The following SLC46A1 variants were observed in gnomAD, a reference collection of about 807,000 sequenced individuals.
The protein encoded by SLC46A1 is solute carrier family 46 member 1, also known as proton-coupled folate transporter.
A neutral mutation model predicts 32.1 loss-of-function variants in SLC46A1; 17 were observed. The observed-to-expected ratio is 0.53, with a 90% CI of 0.36 to 0.79. The LOEUF is 0.79. SLC46A1 is among the 30% of genes least tolerant of loss of function. The pLI, the probability that SLC46A1 is intolerant of heterozygous loss-of-function variation, is 0.00. For synonymous variants in SLC46A1, 240 were observed against 262.7 expected, an observed-to-expected ratio of 0.91 and a Z score of 0.84; for missense variants, 517 against 588.2, an observed-to-expected ratio of 0.88 and a Z score of 1.25.
In SLC46A1 at chr17:28,406,103, G is replaced by A; in HGVS notation, c.12C>T (p.Ser4=). 6.4e-7 allele frequency: 1 copy of A among 1,553,070 alleles called. No homozygotes were observed. Among genetic ancestry groups the A allele is most frequent in the East Asian group, 2.5e-5 (1 of 40,658 alleles). MEG[S]ASPPEKPRAR... is the part of the protein sequence containing the mutation. ...CGCGGGGCTTTTCCGGGGGGCTCGC[G>A]CTCCCCTCCATGTGCGTGCGCGGCG... Residue 4 remains serine (S), a synonymous_variant, in exon 1 of 5, where the codon AGC becomes AGT. Transcript: ENST00000612814. This position sits in a 1 kb window ranked among gnomAD's most constrained non-coding sequence, Gnocchi z 4.5.
At position 28,405,406 on chromosome 17, in the gene SLC46A1, C is replaced by A; in HGVS notation, c.291G>T (p.Gly97=). The A allele has an allele frequency of 6.3e-7, 1 of 1,588,546 alleles. No individual in the cohort carries two copies. The highest frequency in any genetic ancestry group is 1.3e-5 in the African/African-American group (1 of 74,438). The change falls in exon 2 of 5, where the codon GGG becomes GGT. Residue 97 remains glycine, a synonymous_variant. Transcript: ENST00000612814. ...LYMNVGGFLV[G]LFSSTLLGAW... The stretch of plus-strand genomic sequence containing the variant: ...CTCCCAGCAGGGTGGACGAGAAGAG[C>A]CCCACCAGGAAGCCGCCCACGTTCA...
chr17:28,396,428 C>A lies in SLC46A1; in HGVS notation c.*3228G>T, dbSNP rs148837601. 93 of 929,256 alleles carry A rather than the reference C, an allele frequency of 1.0e-4. No homozygotes were observed. In the African/African-American group the frequency reaches 1.5e-3, roughly 15 times the overall value. 57.6% of individuals were successfully genotyped at this position (929,256 alleles called of 1,614,324 possible). On this transcript the variant is annotated 3_prime_UTR_variant, in exon 5 of 5. Coordinates refer to ENST00000612814, the MANE Select transcript of SLC46A1 (RefSeq NM_080669.6). ...GGCTCTCCCTCCCCCTGTCCCCCAC[C>A]CTCATGGCCCACCTCCAACCCACTT...
Position 28,405,922 on chromosome 17 carries a change from C to G in SLC46A1, c.193G>C (p.Gly65Arg), listed in dbSNP as rs375000218. 20 of 1,608,814 alleles carry G rather than the reference C, an allele frequency of 1.2e-5. No individual in the cohort carries two copies. Among genetic ancestry groups the G allele is most frequent in the African/African-American group, 5.3e-5 (4 of 74,840 alleles). Reference protein sequence around the residue: ...LGYNGTRQRGGCSNRSADPTM... With the variant: ...LGYNGTRQRGRCSNRSADPTM... ...GGGTCCGCGCTGCGGTTGCTGCAGC[C>G]CCCCCTTTGGCGGGTGCCATTGTAG... Residue 65 changes from glycine to arginine, a missense_variant, in exon 1 of 5, where the codon GGC (glycine) becomes CGC (arginine). Transcript: ENST00000612814.
chr17:28,404,898 A>C lies in SLC46A1; in HGVS notation c.799T>G (p.Leu267Val). 6.2e-7 allele frequency: 1 copy of C among 1,614,012 alleles called. No homozygotes were observed. The highest frequency in any genetic ancestry group is 1.1e-5 in the South Asian group (1 of 91,084). The change falls in exon 2 of 5, where the codon TTA becomes GTA. Residue 267 changes from leucine (L) to valine (V), a missense_variant. Physicochemically the swap from Leu to Val is conservative, Grantham distance 32. Coordinates refer to ENST00000612814, the MANE Select transcript of SLC46A1 (RefSeq NM_080669.6). ...AAGATGGCCAGTGAGTAGAGGGCTA[A>C]ATGTTTCCTGGACTTCTCTGGGGCG... Reference protein sequence around the residue: ...APAPEKSRKHLALYSLAIFVV... With the variant: ...APAPEKSRKHVALYSLAIFVV...
At position 28,405,221 on chromosome 17, in the gene SLC46A1, C is replaced by T. The variant is rs1555590818; in HGVS notation, c.476G>A (p.Gly159Asp). 4 of 1,595,838 alleles carry T rather than the reference C, an allele frequency of 2.5e-6. No homozygotes were observed. The highest frequency in any genetic ancestry group is 3.4e-6 in the Non-Finnish European group (4 of 1,171,718). ...ILCALLGDFG[G>D]LLAASFASVA... Reference sequence around the variant, plus strand: ...GGACGCAAAGCTAGCAGCCAGAAGGCCACCGAAGTCGCCGAGGAGGGCACA... The same window carrying T: ...GGACGCAAAGCTAGCAGCCAGAAGGTCACCGAAGTCGCCGAGGAGGGCACA... Residue 159 changes from glycine to aspartate, a missense_variant, in exon 2 of 5, where the codon GGC becomes GAC. Physicochemically the swap from Gly to Asp is moderately conservative, Grantham distance 94 (BLOSUM62 -1). Transcript: ENST00000612814.
At chr17:28,400,087 G>T (rs1246268799) in intron 4 of SLC46A1, 2 of 267,476 alleles carry the variant, frequency 7.5e-6, no homozygotes, top group Non-Finnish European at 1.5e-5. Context: ...TACAGACAAG[G>T]TCTTGCTATG....
At chr17:28,399,844 T>C (rs2068175033) in intron 4 of SLC46A1, 131 bp from the exon 5 acceptor site, 1 of 857,510 alleles carries the variant, frequency 1.2e-6, no homozygotes, top group Non-Finnish European at 2.0e-6. Flanking sequence ...TTCCCCAAGC[T>C]GAGAAGCTGA....
intron 4 of SLC46A1, chr17:28,400,398 G>A: frequency 1.7e-6 from 1 of 582,520 alleles, no homozygotes; most frequent in Non-Finnish European, 3.0e-6. Context: ...ATGTTAGCCT[G>A]ATCCTTCCTC....
chr17:28,396,179 G>A lies in SLC46A1; in HGVS notation c.*3477C>T. 1 of 1,613,926 alleles carries A rather than the reference G, an allele frequency of 6.2e-7. No homozygotes were observed. On this transcript the variant is annotated 3_prime_UTR_variant, in exon 5 of 5. Coordinates refer to ENST00000612814, the MANE Select transcript of SLC46A1 (RefSeq NM_080669.6). ...CAGGTGGTCCCACGAATACCAGGAG[G>A]CCACCATTGAGAAGATCATCCGCTT...
chr17:28,402,409 A>C, intron 2 of SLC46A1, 88 bp from the exon 3 acceptor site: 9 of 1,164,310 alleles, frequency 7.7e-6, no homozygotes, highest in Non-Finnish European at 1.1e-5. Context: ...TCCATACCCC[A>C]CGTGGGGCTT....
rs2239910 is a variant in SLC46A1 at position 28,396,647 on chromosome 17, C to A, written c.*3009G>T. 0.34 allele frequency: 78,635 copies of A among 232,996 alleles called. 14,722 individuals carry two copies. The highest frequency in any genetic ancestry group is 0.41 in the Non-Finnish European group (48,147 of 118,554). The allele number at this position is 232,996 out of a possible 1,614,324, so 14.4% of individuals were successfully genotyped here. ...ATAGCAGTCAGCTTGAGGAGGATGA[C>A]GGAAGGCAGCCTCAGACAGGAATTA... On this transcript the variant is annotated 3_prime_UTR_variant, in exon 5 of 5. Coordinates refer to ENST00000612814, the MANE Select transcript of SLC46A1 (RefSeq NM_080669.6).
intron 3 of SLC46A1, chr17:28,401,649 T>C (rs1235628898): frequency 6.6e-6 from 1 of 152,294 alleles, no homozygotes; most frequent in Non-Finnish European, 1.5e-5. Flanking sequence ...GAGGGGTCTG[T>C]GATGTCATCA....
rs782533010 is a variant in SLC46A1 at position 28,395,888 on chromosome 17, T to C, written c.*3768A>G. The C allele has an allele frequency of 1.9e-6, 3 of 1,613,118 alleles. No individual in the cohort carries two copies. The highest frequency in any genetic ancestry group is 2.2e-5 in the South Asian group (2 of 91,080). ...ATGGGTACAGGGGTATCTTCCTCCT[T>C]TCCTTTCTTTCTCCAGGAGATTGTG... is the stretch of plus-strand genomic sequence containing the variant. On this transcript the variant is annotated 3_prime_UTR_variant, in exon 5 of 5. Coordinates refer to ENST00000612814, the MANE Select transcript of SLC46A1 (RefSeq NM_080669.6).
chr17:28,395,852 A>C lies in SLC46A1; in HGVS notation c.*3804T>G. 1 of 1,604,502 alleles carries C rather than the reference A, an allele frequency of 6.2e-7. No homozygotes were observed. On this transcript the variant is annotated 3_prime_UTR_variant, in exon 5 of 5. Transcript: ENST00000612814. Reference sequence around the variant, plus strand: ...GCCTCCCAGCACCTGCCTGGCTACAAGGGTCCCTAGATGGGTACAGGGGTA... The same window carrying C: ...GCCTCCCAGCACCTGCCTGGCTACACGGGTCCCTAGATGGGTACAGGGGTA...
In SLC46A1 at chr17:28,405,055, C is replaced by T. The variant is rs145398587; in HGVS notation, c.642G>A (p.Leu214=). 2.2e-4 allele frequency: 361 copies of T among 1,614,012 alleles called. 1 individual carries two copies. In the African/African-American group the frequency reaches 4.3e-3, roughly 19 times the overall value. Residue 214 remains leucine (L), a synonymous_variant, in exon 2 of 5, where the codon CTG becomes CTA. Coordinates refer to ENST00000612814, the MANE Select transcript of SLC46A1 (RefSeq NM_080669.6). ...RAQGYANPFW[L]ALALLIAMTL... ...TCATGGCTATCAGCAAGGCCAAGGCCAGCCAGAAGGGGTTGGCATAACCCT... is the reference window on the plus strand; with the variant it reads ...TCATGGCTATCAGCAAGGCCAAGGCTAGCCAGAAGGGGTTGGCATAACCCT...
chr17:28,399,371 G>A lies in SLC46A1; in HGVS notation c.*285C>T, dbSNP rs991422880. The A allele has an allele frequency of 8.9e-6, 4 of 451,544 alleles. No homozygotes were observed. The highest frequency in any genetic ancestry group is 1.6e-5 in the Non-Finnish European group (4 of 245,938). The allele number at this position is 451,544 out of a possible 1,614,324, so 28.0% of individuals were successfully genotyped here. A position where few individuals can be genotyped will look rare whatever the true frequency, so the allele number is the denominator to read the frequency against. ...TCTCCTCTGGCCTGTGGGGTTATAA[G>A]TGATGGATAGCAGAAAGGGAGAACT... On this transcript the variant is annotated 3_prime_UTR_variant, in exon 5 of 5. Transcript: ENST00000612814.
At chr17:28,402,567 C>T in intron 2 of SLC46A1, 1 of 396,480 alleles carries the variant, frequency 2.5e-6, no homozygotes, top group Admixed American at 3.6e-5. Flanking sequence ...TTGTCTGAAC[C>T]TCTTGTGGTC....
chr17:28,400,697 G>A lies in SLC46A1; in HGVS notation c.1235C>T (p.Ser412Leu). ...AMLTASGIFNSLYPATLNFMK... is the reference protein window; with the variant it reads ...AMLTASGIFNLLYPATLNFMK... ...AAAGTTCAGAGTGGCTGGGTAGAGT[G>A]AGTTGAAGATGCCGGAGGCCGTCAG... Residue 412 changes from serine to leucine, a missense_variant, in exon 4 of 5, where the codon TCA becomes TTA. By Grantham distance (145) the Ser-to-Leu change is moderately radical (BLOSUM62 -2). Transcript: ENST00000612814. 2 of 1,611,666 alleles carry A rather than the reference G, an allele frequency of 1.2e-6. No homozygotes were observed. Among genetic ancestry groups the A allele is most frequent in the South Asian group, 1.1e-5 (1 of 90,474 alleles).
In SLC46A1 at chr17:28,406,126, G is replaced by A; in HGVS notation, c.-12C>T. The A allele has an allele frequency of 7.0e-7, 1 of 1,418,712 alleles. No individual in the cohort carries two copies. Among genetic ancestry groups the A allele is most frequent in the Non-Finnish European group, 9.2e-7 (1 of 1,088,256 alleles). The allele number at this position is 1,418,712 out of a possible 1,614,324, so 87.9% of individuals were successfully genotyped here. A position where few individuals can be genotyped will look rare whatever the true frequency, so the allele number is the denominator to read the frequency against. On this transcript the variant is annotated 5_prime_UTR_variant, in exon 1 of 5. Transcript: ENST00000612814. This position sits in a 1 kb window ranked among gnomAD's most constrained non-coding sequence, Gnocchi z 4.5. ...GCGCTCCCCTCCATGTGCGTGCGCG[G>A]CGGAGCTGTCGCCAGGCGGGCGGCG...
Sources: allele counts gnomAD v4.1 joint callset, GRCh38; gene constraint gnomAD v4.1.1; non-coding constraint Gnocchi (gnomAD v3.1); transcripts MANE v1.5; gene names NCBI Gene and HGNC (gene_info 2026-07-23, HGNC 2026-07-21).